HDLBP: variants seen among roughly 807,000 people sequenced by gnomAD.
HDLBP encodes the protein vigilin.
A neutral mutation model predicts 137.3 loss-of-function variants in HDLBP; 30 were observed. The observed-to-expected ratio is 0.22, with a 90% CI of 0.16 to 0.30. The LOEUF (loss-of-function observed/expected upper bound fraction) is 0.30, where lower values mean the gene tolerates loss of function less well. HDLBP is among the 10% of genes least tolerant of loss of function. The probability of loss-of-function intolerance (pLI) is 1.00; values close to 1 mark genes in which losing one functional copy is unlikely to be tolerated. For missense variants in HDLBP, 1,119 were observed against 1,667.3 expected (o/e 0.67, Z 5.73); for synonymous variants, 606 against 596.0 (o/e 1.02, Z -0.24).
intron 1 of HDLBP, among the ~76,000 whole-genome samples, chr2:241,290,508 G>T (rs2074977751): frequency 6.6e-6 from 1 of 152,124 alleles, no homozygotes; most frequent in African/African-American, 2.4e-5. Flanking sequence ...TACTCGGGAG[G>T]CTGAGGCAGG....
At chr2:241,296,100 CAAAAA>C (rs34959720) in intron 1 of HDLBP, among the ~76,000 whole-genome samples, 2 of 85,684 alleles carry the variant, frequency 2.3e-5, no homozygotes, top group African/African-American at 5.0e-5. Flanking sequence ...GAAAATTTTG[CAAAAA>C]AAAAAAAAAA....
At chr2:241,301,725 A>G (rs1427002159) in intron 1 of HDLBP, among the ~76,000 whole-genome samples, 1 of 152,164 alleles carries the variant, frequency 6.6e-6, no homozygotes, top group Non-Finnish European at 1.5e-5. Context: ...TGGTTACAGC[A>G]GACAGGCAGA....
rs781166307 is a variant in HDLBP at position 241,248,076 on chromosome 2, A to T, written c.1658T>A (p.Ile553Asn). 1 of 1,614,198 alleles carries T rather than the reference A, an allele frequency of 6.2e-7. No homozygotes were observed. The highest frequency in any genetic ancestry group is 1.1e-5 in the South Asian group (1 of 91,082). ...ATTCTTAGGTCCTCTGAGCTGGACA[A>T]TGTCACTTTTTTGTGCTGGGTCTGG... ...NFPDPAQKSD[I>N]VQLRGPKNEV... is the part of the protein sequence containing the mutation. Residue 553 changes from isoleucine to asparagine, a missense_variant, in exon 14 of 28, where the codon ATT (isoleucine) becomes AAT (asparagine). Physicochemically the swap from Ile to Asn is moderately radical, Grantham distance 149. Coordinates refer to ENST00000310931, the MANE Select transcript of HDLBP (RefSeq NM_005336.6).
At chr2:241,279,046 T>C (rs974465892) in intron 1 of HDLBP, among the ~76,000 whole-genome samples, 1 of 107,432 alleles carries the variant, frequency 9.3e-6, no homozygotes, top group Non-Finnish European at 1.9e-5. Flanking sequence ...TCTAAAAAAA[T>C]TTTTTAAAAT....
chr2:241,313,812 G>C (rs551662228), intron 1 of HDLBP, among the ~76,000 whole-genome samples: 2 of 152,312 alleles, frequency 1.3e-5, no homozygotes, highest in African/African-American at 4.8e-5. Flanking sequence ...CACTGTAACA[G>C]GGATTCAAGT....
intron 1 of HDLBP, among the ~76,000 whole-genome samples, chr2:241,312,833 G>GT (rs1484612429): frequency 4.6e-5 from 7 of 152,312 alleles, no homozygotes; most frequent in African/African-American, 1.2e-4. Flanking sequence ...ACGAAGGATC[G>GT]TAAGATATCC....
intron 1 of HDLBP, among the ~76,000 whole-genome samples, chr2:241,290,640 A>T (rs1478790714): frequency 6.6e-6 from 1 of 151,896 alleles, no homozygotes; most frequent in Non-Finnish European, 1.5e-5. Context: ...CAGACTCTAA[A>T]CTCTAAAAAT....
chr2:241,305,996 G>A (rs901569785), intron 1 of HDLBP, among the ~76,000 whole-genome samples: 1 of 151,682 alleles, frequency 6.6e-6, no homozygotes, highest in African/African-American at 2.4e-5. Context: ...TCCTGACCTC[G>A]TGATCCACCC....
chr2:241,236,494 G>A, intron 21 of HDLBP, 121 bp downstream of exon 21: 1 of 985,010 alleles, frequency 1.0e-6, no homozygotes, highest in Non-Finnish European at 1.6e-6. Flanking sequence ...AGGAGCAAGA[G>A]GGCTACCTCC....
At chr2:241,288,263 T>A (rs1450383812) in intron 1 of HDLBP, among the ~76,000 whole-genome samples, 1 of 152,214 alleles carries the variant, frequency 6.6e-6, no homozygotes, top group East Asian at 1.9e-4. Flanking sequence ...TTTTGTTAAT[T>A]TCCTTTTGAG....
At chr2:241,254,499 T>C (rs2072458360) in intron 9 of HDLBP, among the ~76,000 whole-genome samples, 1 of 151,748 alleles carries the variant, frequency 6.6e-6, no homozygotes, top group Non-Finnish European at 1.5e-5. Flanking sequence ...TTTTTTTTTT[T>C]TTTGAGACAG....
intron 1 of HDLBP, among the ~76,000 whole-genome samples, chr2:241,314,705 G>A (rs962434539): frequency 6.6e-5 from 10 of 152,284 alleles, no homozygotes; most frequent in African/African-American, 2.2e-4. Context: ...CGAATGGAGA[G>A]GATATGTAGC....
chr2:241,285,663 A>G (rs1438548159), intron 1 of HDLBP, among the ~76,000 whole-genome samples: 1 of 152,248 alleles, frequency 6.6e-6, no homozygotes, highest in Admixed American at 6.5e-5. Flanking sequence ...CAAAATAATG[A>G]AGGAGTGAAG....
At chr2:241,232,947 C>T (rs1206958654) in intron 24 of HDLBP, among the ~76,000 whole-genome samples, 4 of 151,836 alleles carry the variant, frequency 2.6e-5, no homozygotes, top group South Asian at 4.2e-4. Context: ...GTGTGTGTGA[C>T]TCAAAGATCC....
chr2:241,246,362 G>A lies in HDLBP; in HGVS notation c.1950+390C>T, dbSNP rs150830345. Among the ~76,000 whole-genome samples, 98 of 152,206 alleles carry A rather than the reference G, an allele frequency of 6.4e-4. No homozygotes were observed. The Middle Eastern group carries it at 0.014, about 21-fold the overall frequency. Reference sequence around the variant, plus strand: ...CATGGGACATTTTTGGGGTGATGGTGGGAATGATTCCATGGATGTATACAC... The same window carrying A: ...CATGGGACATTTTTGGGGTGATGGTAGGAATGATTCCATGGATGTATACAC... On this transcript the variant is annotated intron_variant, in intron 16 of 27. Transcript: ENST00000310931.
intron 1 of HDLBP, among the ~76,000 whole-genome samples, chr2:241,311,040 G>A (rs1036063084): frequency 3.3e-5 from 5 of 152,216 alleles, no homozygotes; most frequent in African/African-American, 1.2e-4. Flanking sequence ...CTCAAGCCCA[G>A]GAGATTGCAG....
At position 241,239,984 on chromosome 2, in the gene HDLBP, C is replaced by G. The variant is rs1030179762; in HGVS notation, c.2308G>C (p.Asp770His). 6.2e-7 allele frequency: 1 copy of G among 1,614,226 alleles called. No individual in the cohort carries two copies. The change falls in exon 18 of 28, where the codon GAC (aspartate) becomes CAC (histidine). Residue 770 changes from aspartate to histidine, a missense_variant. Transcript: ENST00000310931. This position sits in a 1 kb window ranked among gnomAD's most constrained non-coding sequence, Gnocchi z 4.6. ...CCAATGATGGTGATCAGGTCCTGGT[C>G]CTTGTCCTCAGCCGCAGGGAAGATG... ...RVIFPAAEDK[D>H]QDLITIIGKE...
chr2:241,230,255 G>C lies in HDLBP; in HGVS notation c.3489C>G (p.Phe1163Leu), dbSNP rs1185300977. Residue 1163 changes from phenylalanine to leucine, a missense_variant, in exon 26 of 28, where the codon TTC (phenylalanine) becomes TTG (leucine). Phe to Leu is a conservative substitution (Grantham distance 22). Coordinates refer to ENST00000310931, the MANE Select transcript of HDLBP (RefSeq NM_005336.6). This position sits in a 1 kb window ranked among gnomAD's most constrained non-coding sequence, Gnocchi z 5.0. ...IMDEFKVDIR[F>L]PQSGAPDPNC... ...TGGGGTCTGGGGCTCCGCTCTGTGG[G>C]AAGCGAATGTCCACCTGGAAGGGGT... is the stretch of plus-strand genomic sequence containing the variant. 1 of 1,590,122 alleles carries C rather than the reference G, an allele frequency of 6.3e-7. No individual in the cohort carries two copies. Among genetic ancestry groups the C allele is most frequent in the Non-Finnish European group, 8.6e-7 (1 of 1,162,442 alleles).
intron 1 of HDLBP, among the ~76,000 whole-genome samples, chr2:241,288,360 C>A (rs2074903091): frequency 6.6e-6 from 1 of 151,332 alleles, no homozygotes; most frequent in African/African-American, 2.4e-5. Context: ...ATGTGGAGAG[C>A]ATTTAAAGGG....
Sources: allele counts gnomAD v4.1 joint callset (sites outside exome capture counted in the v4.1 genomes callset), GRCh38; gene constraint gnomAD v4.1.1; non-coding constraint Gnocchi (gnomAD v3.1); transcripts MANE v1.5; gene names NCBI Gene and HGNC (gene_info 2026-07-23, HGNC 2026-07-21).